Variants in CEMIP observed in about 807,000 individuals in gnomAD.
The protein encoded by CEMIP is cell migration-inducing and hyaluronan-binding protein.
A neutral mutation model predicts 156.9 loss-of-function variants in CEMIP; 105 were observed. That is an observed-to-expected ratio of 0.67 (90% CI 0.57 to 0.79). The LOEUF is 0.79. Ranked by LOEUF, CEMIP falls within the 30% of genes least tolerant of loss-of-function variation. The pLI is 0.00. For missense variants in CEMIP, 1,457 were observed against 1,769.4 expected, an observed-to-expected ratio of 0.82 and a Z score of 3.17; for synonymous variants, 676 against 668.4, an observed-to-expected ratio of 1.01 and a Z score of -0.17.
chr15:80,879,442 T>C (rs1337549719), intron 4 of CEMIP, among the ~76,000 whole-genome samples: 1 of 152,200 alleles, frequency 6.6e-6, no homozygotes, highest in Non-Finnish European at 1.5e-5. Flanking sequence ...AGGATGTGCA[T>C]AGGTTAGATG....
At chr15:80,921,877 G>A in intron 16 of CEMIP, 132 bp from the exon 17 acceptor site, 1 of 1,094,604 alleles carries the variant, frequency 9.1e-7, no homozygotes, top group Non-Finnish European at 1.4e-6. Context: ...GTTGGGGGTG[G>A]GCACCGAGGG....
chr15:80,931,782 A>T, intron 21 of CEMIP, 77 bp from the exon 22 acceptor site: 1 of 1,455,720 alleles, frequency 6.9e-7, no homozygotes, highest in Non-Finnish European at 9.6e-7. Flanking sequence ...CATGGCGTTT[A>T]GACTGACGTC....
chr15:80,788,225 C>CT (rs1441306258), intron 1 of CEMIP, among the ~76,000 whole-genome samples: 1 of 152,042 alleles, frequency 6.6e-6, no homozygotes, highest in African/African-American at 2.4e-5. Context: ...AATCCCAGCA[C>CT]TTTGAGAGGC....
chr15:80,830,546 C>T (rs981690247), intron 1 of CEMIP, among the ~76,000 whole-genome samples: 3 of 152,192 alleles, frequency 2.0e-5, no homozygotes, highest in South Asian at 2.1e-4. Flanking sequence ...TATCCCCTCC[C>T]TCCTGCCTCG....
At position 80,906,655 on chromosome 15, in the gene CEMIP, TG is replaced by T; in HGVS notation, c.1412-7del. 6.2e-7 allele frequency: 1 copy of T among 1,608,638 alleles called. No homozygotes were observed. ...GCTGTTGTTTACCGTCCTCCCTTTC[TG>T]CCCTAGGGAAACCAATGTACCTGCA... is the stretch of plus-strand genomic sequence containing the variant. On this transcript the variant is annotated splice_region_variant and splice_polypyrimidine_tract_variant and intron_variant, in intron 12 of 29. Transcript: ENST00000394685. This position sits in a 1 kb window ranked among gnomAD's most constrained non-coding sequence, Gnocchi z 4.3.
intron 1 of CEMIP, chr15:80,841,890 C>T (rs1390498386): frequency 8.3e-6 from 2 of 242,062 alleles, no homozygotes; most frequent in African/African-American, 4.8e-5. Flanking sequence ...CACAAATTTC[C>T]TGCAACTCTG....
At chr15:80,947,315 T>C in intron 29 of CEMIP, 1 of 483,020 alleles carries the variant, frequency 2.1e-6, no homozygotes, top group South Asian at 2.5e-5. Context: ...ATTGCTATAT[T>C]TGTTGACTCA....
chr15:80,853,271 T>C (rs1021394901), intron 1 of CEMIP, among the ~76,000 whole-genome samples: 11 of 151,994 alleles, frequency 7.2e-5, no homozygotes, highest in African/African-American at 2.2e-4. Flanking sequence ...GGGAAAAGCA[T>C]GGGGTTTGGA....
chr15:80,848,616 C>T (rs1007720415), intron 1 of CEMIP, among the ~76,000 whole-genome samples: 1 of 152,142 alleles, frequency 6.6e-6, no homozygotes, highest in Non-Finnish European at 1.5e-5. Flanking sequence ...CAAGGAGCAT[C>T]AGCAAGAAAG....
rs141395577 is a variant in CEMIP at position 80,931,876 on chromosome 15, G to A, written c.2630G>A (p.Gly877Glu). 6.2e-7 allele frequency: 1 copy of A among 1,614,098 alleles called. No homozygotes were observed. Among genetic ancestry groups the A allele is most frequent in the Non-Finnish European group, 8.5e-7 (1 of 1,180,010 alleles). Reference protein sequence around the residue: ...LPIGQNFPIRGIQLYDGPINI... With the variant: ...LPIGQNFPIREIQLYDGPINI... ...CTCCGTAGGAATTTTCCAATTAGAG[G>A]AATTCAGTTATATGATGGCCCCATC... The change falls in exon 22 of 30, where the codon GGA (glycine) becomes GAA (glutamate). Residue 877 changes from glycine (G) to glutamate (E), a missense_variant. Physicochemically the swap from Gly to Glu is moderately conservative, Grantham distance 98. Around this residue, in one of 5 missense-constraint regions of CEMIP, gnomAD observed 798 missense variants for 980.1 expected, o/e 0.81. Coordinates refer to ENST00000394685, the MANE Select transcript of CEMIP (RefSeq NM_001293298.2).
chr15:80,900,428 C>T (rs1193301600), intron 12 of CEMIP, among the ~76,000 whole-genome samples: 3 of 152,150 alleles, frequency 2.0e-5, no homozygotes, highest in Non-Finnish European at 4.4e-5. Flanking sequence ...TTAGCACTGC[C>T]TGTGCTTGTT....
chr15:80,945,671 G>A (rs538078808), intron 28 of CEMIP, among the ~76,000 whole-genome samples: 46 of 152,176 alleles, frequency 3.0e-4, no homozygotes, highest in Middle Eastern at 3.2e-3. Flanking sequence ...ACAAATGGGG[G>A]TAACAACAGG....
At chr15:80,948,515 T>A in intron 29 of CEMIP, 1 of 475,472 alleles carries the variant, frequency 2.1e-6, no homozygotes, top group Non-Finnish European at 3.9e-6. Flanking sequence ...TCCCTTACAG[T>A]TTGCCCCATT....
chr15:80,897,556 G>A (rs1422402808), intron 12 of CEMIP, among the ~76,000 whole-genome samples: 1 of 152,214 alleles, frequency 6.6e-6, no homozygotes, highest in Non-Finnish European at 1.5e-5. Context: ...TGTAGCTAAA[G>A]AGAGGGAAAG....
At chr15:80,889,357 T>C (rs1898958166) in intron 9 of CEMIP, 114 bp from the exon 10 acceptor site, 2 of 1,454,638 alleles carry the variant, frequency 1.4e-6, no homozygotes, top group Non-Finnish European at 1.9e-6. Context: ...GGTGCAACCA[T>C]GGACAGATAA....
intron 28 of CEMIP, chr15:80,946,325 T>A (rs1323154709): frequency 1.3e-5 from 2 of 154,990 alleles, no homozygotes; most frequent in African/African-American, 4.8e-5. Context: ...AATGTATACA[T>A]GATCACCTGC....
At chr15:80,793,445 G>T (rs1194134151) in intron 1 of CEMIP, among the ~76,000 whole-genome samples, 1 of 152,162 alleles carries the variant, frequency 6.6e-6, no homozygotes, top group African/African-American at 2.4e-5. Context: ...GGTTACCATT[G>T]AATGGTGGAA....
At chr15:80,784,018 G>A (rs1895863588) in intron 1 of CEMIP, among the ~76,000 whole-genome samples, 1 of 152,140 alleles carries the variant, frequency 6.6e-6, no homozygotes, top group Non-Finnish European at 1.5e-5. Context: ...CCCTGCAGGT[G>A]AGTGAGCCCT....
chr15:80,827,608 G>C (rs962490809), intron 1 of CEMIP, among the ~76,000 whole-genome samples: 1 of 152,142 alleles, frequency 6.6e-6, no homozygotes, highest in Admixed American at 6.5e-5. Context: ...GACAGAGCGA[G>C]ACTCTTTTTC....
Sources: gnomAD v4.1 joint callset for allele counts (sites outside exome capture counted in the v4.1 genomes callset) on GRCh38, gnomAD v4.1.1 for gene constraint, gnomAD v4.1.1 regional missense constraint, Gnocchi (gnomAD v3.1) non-coding constraint, MANE v1.5 for transcripts, NCBI Gene and HGNC (gene_info 2026-07-23, HGNC 2026-07-21) for gene names.